Variants in EPC2 observed in about 807,000 individuals in gnomAD.
EPC2 encodes the protein enhancer of polycomb homolog 2.
In EPC2, 14 loss-of-function variants were observed where a neutral mutation model predicts 92.1. The observed-to-expected ratio is 0.15, with a 90% confidence interval of 0.10 to 0.24. The LOEUF is 0.24. Among genes scored for constraint, EPC2 ranks in the 10% least tolerant of loss-of-function variants. The pLI is 1.00. For synonymous variants in EPC2, 340 were observed against 334.7 expected (o/e 1.02, Z -0.17); for missense variants, 755 against 971.5 (o/e 0.78, Z 2.96).
intron 2 of EPC2, among the ~76,000 whole-genome samples, chr2:148,732,269 G>C (rs1486887465): frequency 2.0e-5 from 3 of 152,124 alleles, no homozygotes; most frequent in Non-Finnish European, 4.4e-5. Flanking sequence ...GTCTTGCACA[G>C]CTCTTAGCTA....
chr2:148,672,803 G>C (rs886367398), intron 1 of EPC2, among the ~76,000 whole-genome samples: 1 of 152,024 alleles, frequency 6.6e-6, no homozygotes, highest in South Asian at 2.1e-4. Flanking sequence ...ATATTTTTGC[G>C]TGGTTTCTTG....
intron 2 of EPC2, among the ~76,000 whole-genome samples, chr2:148,721,214 G>T (rs185621755): frequency 1.7e-4 from 26 of 152,096 alleles, no homozygotes; most frequent in Admixed American, 1.6e-3. Context: ...TATAAGGCAG[G>T]TCTACTGGCA....
intron 1 of EPC2, among the ~76,000 whole-genome samples, chr2:148,670,645 A>G (rs1390476242): frequency 1.3e-5 from 2 of 151,572 alleles, no homozygotes; most frequent in African/African-American, 2.4e-5. Flanking sequence ...AAAATTTGGA[A>G]CTCTACAAAC....
intron 1 of EPC2, among the ~76,000 whole-genome samples, chr2:148,663,280 G>A (rs1199820738): frequency 2.7e-5 from 4 of 149,342 alleles, no homozygotes; most frequent in South Asian, 2.1e-4. Context: ...AAGCAGTGGC[G>A]CTATCTTGGC....
intron 1 of EPC2, among the ~76,000 whole-genome samples, chr2:148,671,475 A>G (rs1451813225): frequency 6.6e-6 from 1 of 151,956 alleles, no homozygotes; most frequent in African/African-American, 2.4e-5. Context: ...TTAGTCAGGC[A>G]TGGTGGTGTG....
At chr2:148,750,896 G>A (rs1683071993) in intron 3 of EPC2, among the ~76,000 whole-genome samples, 1 of 152,096 alleles carries the variant, frequency 6.6e-6, no homozygotes. Flanking sequence ...GTAGCAAAGA[G>A]GTGTTCACTT....
At chr2:148,745,172 C>T (rs1235356876) in intron 3 of EPC2, among the ~76,000 whole-genome samples, 4 of 151,970 alleles carry the variant, frequency 2.6e-5, no homozygotes, top group Non-Finnish European at 5.9e-5. Context: ...TGGTGACTTA[C>T]AGTTTTCCTG....
intron 4 of EPC2, 22 bp downstream of exon 4, chr2:148,754,155 A>C (rs973631510): frequency 6.5e-7 from 1 of 1,546,790 alleles, no homozygotes; most frequent in African/African-American, 1.4e-5. Context: ...ATTAGGTTTC[A>C]TTGAAGGTAG....
intron 2 of EPC2, among the ~76,000 whole-genome samples, chr2:148,718,058 T>C (rs192785328): frequency 6.6e-6 from 1 of 152,338 alleles, no homozygotes; most frequent in Admixed American, 6.5e-5. Context: ...AAACTAGGAT[T>C]GCAACCCCTG....
rs577893570 is a variant in EPC2, at chr2:148,769,040, T to C, written c.1141-111T>C. 5 of 724,236 alleles carry C rather than the reference T, an allele frequency of 6.9e-6. No homozygotes were observed. In the South Asian group the frequency reaches 8.3e-5, roughly 12 times the overall value. The allele number at this position is 724,236 out of a possible 1,614,324, so 44.9% of individuals were successfully genotyped here. A position where few individuals can be genotyped will look rare whatever the true frequency, so the allele number is the denominator to read the frequency against. ...TTTGGGGAATTCAGTACTTATGATA[T>C]GTAATATAGAAGTGATTTACTGTTT... On this transcript the variant is annotated intron_variant, in intron 7 of 13. Transcript: ENST00000258484.
At chr2:148,645,362 T>A (rs1683773877) in intron 1 of EPC2, 192 bp downstream of exon 1, 1 of 550,948 alleles carries the variant, frequency 1.8e-6, no homozygotes, top group African/African-American at 2.0e-5. Flanking sequence ...GCCGCCATGT[T>A]GTTGCGTCCC....
At chr2:148,780,365 AAT>A (rs1205350984) in intron 10 of EPC2, among the ~76,000 whole-genome samples, 1 of 152,172 alleles carries the variant, frequency 6.6e-6, no homozygotes, top group Non-Finnish European at 1.5e-5. Flanking sequence ...TTTCATAGAA[AAT>A]AGACTGTACT....
rs754226470 is a variant in EPC2, at chr2:148,771,188, T to C, written c.1521T>C (p.Cys507=). The C allele has an allele frequency of 1.2e-6, 2 of 1,613,974 alleles. No individual in the cohort carries two copies. Among genetic ancestry groups the C allele is most frequent in the Non-Finnish European group, 1.7e-6 (2 of 1,179,868 alleles). Residue 507 remains cysteine (C), a synonymous_variant, in exon 10 of 14, where the codon TGT becomes TGC. Transcript: ENST00000258484. ...FSRTNASSKH[C]ENRLSLSEIL... ...GGACCAATGCTTCCAGTAAACATTGTGAAAATAGACTGTCTCTTTCTGAAA... is the reference window on the plus strand; with the variant it reads ...GGACCAATGCTTCCAGTAAACATTGCGAAAATAGACTGTCTCTTTCTGAAA...
chr2:148,781,672 T>C lies in EPC2; in HGVS notation c.1749T>C (p.Phe583=), dbSNP rs1233878018. ...CAGGGGGTATCACAGAAGAGCAGTT[T>C]CAGACACATCAGCAGCAGTTAGTTC... is the stretch of plus-strand genomic sequence containing the variant. ...SVTGGITEEQ[F]QTHQQQLVQM... is the part of the protein sequence containing the mutation. Residue 583 remains phenylalanine (F), a synonymous_variant, in exon 11 of 14, where the codon TTT becomes TTC. Coordinates refer to ENST00000258484, the MANE Select transcript of EPC2 (RefSeq NM_015630.4). The C allele has an allele frequency of 1.9e-6, 3 of 1,613,824 alleles. No homozygotes were observed. Among genetic ancestry groups the C allele is most frequent in the Admixed American group, 1.7e-5 (1 of 59,976 alleles).
intron 1 of EPC2, among the ~76,000 whole-genome samples, chr2:148,669,539 A>G (rs1478641355): frequency 6.6e-6 from 1 of 152,034 alleles, no homozygotes; most frequent in African/African-American, 2.4e-5. Flanking sequence ...AAAATTAGCT[A>G]GGTGTGATGG....
At chr2:148,669,283 ATGAG>A (rs1463696979) in intron 1 of EPC2, among the ~76,000 whole-genome samples, 2 of 152,084 alleles carry the variant, frequency 1.3e-5, no homozygotes, top group African/African-American at 2.4e-5. Flanking sequence ...AATATTTTTA[ATGAG>A]TCTCTTTTAA....
intron 13 of EPC2, among the ~76,000 whole-genome samples, chr2:148,785,965 T>G (rs891116130): frequency 6.6e-6 from 1 of 152,094 alleles, no homozygotes; most frequent in Non-Finnish European, 1.5e-5. Context: ...TTTTTGAGTG[T>G]CATATGCTTC....
chr2:148,663,304 C>T (rs928823643), intron 1 of EPC2, among the ~76,000 whole-genome samples: 1 of 150,054 alleles, frequency 6.7e-6, no homozygotes, highest in Non-Finnish European at 1.5e-5. Flanking sequence ...CTGCAAGCTC[C>T]GTCTCCCAGG....
intron 2 of EPC2, among the ~76,000 whole-genome samples, chr2:148,699,258 T>C (rs1223941394): frequency 6.6e-6 from 1 of 152,250 alleles, no homozygotes; most frequent in African/African-American, 2.4e-5. Flanking sequence ...CTCCTACTAT[T>C]AGTATCTTGT....
Sources: gnomAD v4.1 joint callset for allele counts (sites outside exome capture counted in the v4.1 genomes callset) on GRCh38, gnomAD v4.1.1 for gene constraint, MANE v1.5 for transcripts, NCBI Gene and HGNC (gene_info 2026-07-23, HGNC 2026-07-21) for gene names.